Variants in RBFOX1 observed in about 807,000 individuals in gnomAD.
RBFOX1 encodes RNA binding protein fox-1 homolog 1.
A neutral mutation model predicts 57.7 loss-of-function variants in RBFOX1; 8 were observed. The ratio of observed to expected loss-of-function variants is 0.14; its 90% CI spans 0.08 to 0.25. The LOEUF is 0.25. Ranked by LOEUF, RBFOX1 falls within the 10% of genes least tolerant of loss-of-function variation. RBFOX1 has a pLI of 1.00. For missense variants in RBFOX1, 611 were observed against 548.5 expected (o/e 1.11, Z -1.14); for synonymous variants, 326 against 222.4 (o/e 1.47, Z -4.15).
At chr16:5,736,260 T>C (rs2052567462) in intron 3 of RBFOX1, among the ~76,000 whole-genome samples, 1 of 152,132 alleles carries the variant, frequency 6.6e-6, no homozygotes, top group Non-Finnish European at 1.5e-5. Flanking sequence ...GGACATCTGT[T>C]TTGGGAAGTA....
intron 2 of RBFOX1, chr16:5,467,349 C>T: frequency 4.2e-6 from 5 of 1,204,588 alleles, no homozygotes; most frequent in Non-Finnish European, 5.9e-6. Context: ...TGCAACTTCA[C>T]TGCCCAGGGC....
At chr16:6,993,684 A>C (rs184167570) in intron 3 of RBFOX1, among the ~76,000 whole-genome samples, 2 of 152,286 alleles carry the variant, frequency 1.3e-5, no homozygotes, top group East Asian at 1.9e-4. Flanking sequence ...TGCATTAGGT[A>C]ATATATTTAA....
chr16:5,906,369 A>G (rs2058456317), intron 4 of RBFOX1, among the ~76,000 whole-genome samples: 1 of 152,226 alleles, frequency 6.6e-6, no homozygotes, highest in South Asian at 2.1e-4. Flanking sequence ...GCAGAGATCA[A>G]GGTAATGTTT....
chr16:6,318,494 G>A (rs912788841), intron 2 of RBFOX1, among the ~76,000 whole-genome samples: 1 of 152,104 alleles, frequency 6.6e-6, no homozygotes, highest in African/African-American at 2.4e-5. Flanking sequence ...CTTGGGCAGG[G>A]AGGGGAGGGA....
intron 3 of RBFOX1, among the ~76,000 whole-genome samples, chr16:6,867,426 G>A (rs561787632): frequency 1.1e-4 from 16 of 151,752 alleles, no homozygotes; most frequent in African/African-American, 3.4e-4. Flanking sequence ...GAGGATTAAG[G>A]GAAGAAAGGG....
At chr16:7,140,157 C>CCTCCCTCTCTCTCTCTCTCTCTCTCTCT (rs2073300584) in intron 4 of RBFOX1, among the ~76,000 whole-genome samples, 2 of 70,868 alleles carry the variant, frequency 2.8e-5, no homozygotes, top group African/African-American at 1.2e-4. Context: ...TCCTTCTCTC[C>CCTCCCTCTCTCTCTCTCTCTCTCTCTCT]CTCTCTCTCT....
intron 1 of RBFOX1, among the ~76,000 whole-genome samples, chr16:6,227,556 T>A (rs1213545107): frequency 6.6e-6 from 1 of 152,072 alleles, no homozygotes; most frequent in African/African-American, 2.4e-5. Context: ...AGTGAGCTTG[T>A]ACACACCTTC....
chr16:6,813,132 C>G (rs552516762), intron 3 of RBFOX1, among the ~76,000 whole-genome samples: 1 of 151,274 alleles, frequency 6.6e-6, no homozygotes, highest in Non-Finnish European at 1.5e-5. Flanking sequence ...CCTAAGTTTT[C>G]AGGCCTCACC....
At chr16:7,299,356 T>G (rs2095975249) in intron 4 of RBFOX1, among the ~76,000 whole-genome samples, 4 of 152,202 alleles carry the variant, frequency 2.6e-5, no homozygotes, top group Admixed American at 2.6e-4. Context: ...AACTGGGTAT[T>G]GCCTGCGCTT....
intron 3 of RBFOX1, among the ~76,000 whole-genome samples, chr16:5,751,349 C>T (rs2053194253): frequency 9.6e-6 from 1 of 104,334 alleles, no homozygotes; most frequent in South Asian, 3.2e-4. Flanking sequence ...CATCCCTTAT[C>T]TTTCTTTTTC....
intron 4 of RBFOX1, among the ~76,000 whole-genome samples, chr16:5,902,635 C>G (rs542493186): frequency 6.6e-6 from 1 of 152,200 alleles, no homozygotes; most frequent in African/African-American, 2.4e-5. Flanking sequence ...AGGCTGGTCT[C>G]AAACTCCTGG....
intron 10 of RBFOX1, among the ~76,000 whole-genome samples, chr16:7,628,252 G>A (rs1368291225): frequency 6.6e-6 from 1 of 152,124 alleles, no homozygotes; most frequent in Admixed American, 6.5e-5. Context: ...CAGGAGAGAA[G>A]GTTGAGGAGC....
chr16:7,624,755 G>A (rs1019728364), intron 10 of RBFOX1, among the ~76,000 whole-genome samples: 1 of 152,134 alleles, frequency 6.6e-6, no homozygotes, highest in Non-Finnish European at 1.5e-5. Context: ...GTGACATTAG[G>A]AAAGCCAGAC....
chr16:6,723,483 G>C (rs1289417553), intron 3 of RBFOX1, among the ~76,000 whole-genome samples: 2 of 152,078 alleles, frequency 1.3e-5, no homozygotes, highest in South Asian at 2.1e-4. Flanking sequence ...TTTTGATCTG[G>C]GTAGAAAAAA....
intron 4 of RBFOX1, among the ~76,000 whole-genome samples, chr16:7,511,149 C>T (rs1416015931): frequency 2.6e-5 from 4 of 152,178 alleles, no homozygotes; most frequent in Non-Finnish European, 5.9e-5. Flanking sequence ...CAGTGAAAGT[C>T]AGGTAGTTAC....
At chr16:7,525,019 C>G (rs1317623198) in intron 5 of RBFOX1, among the ~76,000 whole-genome samples, 1 of 152,176 alleles carries the variant, frequency 6.6e-6, no homozygotes, top group Non-Finnish European at 1.5e-5. Context: ...AACCCAAATT[C>G]TTAGTCTCTG....
intron 1 of RBFOX1, among the ~76,000 whole-genome samples, chr16:6,079,460 T>C (rs2095964970): frequency 6.6e-6 from 1 of 152,180 alleles, no homozygotes; most frequent in East Asian, 1.9e-4. Context: ...CACATGTGTG[T>C]GCCACCATGC....
At chr16:6,125,519 C>T (rs775051182) in intron 1 of RBFOX1, among the ~76,000 whole-genome samples, 19 of 152,082 alleles carry the variant, frequency 1.2e-4, no homozygotes, top group Non-Finnish European at 2.4e-4. Context: ...TGAGGATAAC[C>T]CTTGGAGAGT....
chr16:5,914,490 C>T (rs993821986), intron 4 of RBFOX1, among the ~76,000 whole-genome samples: 2 of 152,140 alleles, frequency 1.3e-5, no homozygotes, highest in Admixed American at 6.5e-5. Context: ...TGTAAGCTCA[C>T]TCATGTGGTT....
Sources: allele counts gnomAD v4.1 joint callset (sites outside exome capture counted in the v4.1 genomes callset), GRCh38; gene constraint gnomAD v4.1.1; transcripts MANE v1.5; gene names NCBI Gene and HGNC (gene_info 2026-07-23, HGNC 2026-07-21).